The following ZNF536 variants were observed in gnomAD, a reference collection of about 807,000 sequenced individuals.
The protein encoded by ZNF536 is zinc finger protein 536.
Under a neutral mutation model 84.5 loss-of-function variants are expected in ZNF536, and 13 were observed. That is an observed-to-expected ratio of 0.15 (90% CI 0.10 to 0.24). The LOEUF (loss-of-function observed/expected upper bound fraction) is 0.24, where lower values mean the gene tolerates loss of function less well. Ranked by LOEUF, ZNF536 falls within the 10% of genes least tolerant of loss-of-function variation. ZNF536 has a pLI of 1.00. For synonymous variants in ZNF536, 811 were observed against 742.5 expected (o/e 1.09, Z -1.50); for missense variants, 1,536 against 1,747.5 (o/e 0.88, Z 2.16).
chr19:30,654,762 G>A (rs1600162513), intron 1 of ZNF536, among the ~76,000 whole-genome samples: 1 of 152,054 alleles, frequency 6.6e-6, no homozygotes, highest in African/African-American at 2.4e-5. Context: ...GGTGGCTTAG[G>A]TAAATTTGAG....
intron 2 of ZNF536, among the ~76,000 whole-genome samples, chr19:30,318,035 C>G (rs148089925): frequency 2.0e-5 from 3 of 152,194 alleles, no homozygotes; most frequent in Admixed American, 2.0e-4. Flanking sequence ...GGTGTCTAGC[C>G]GTCTCCACAG....
rs1399627363 is a variant in ZNF536 at position 30,331,286 on chromosome 19, G to A, written c.-119-21082G>A. On this transcript the variant is annotated intron_variant, in intron 2 of 5. Coordinates refer to the ZNF536 transcript ENST00000585628. The stretch of plus-strand genomic sequence containing the variant: ...AGCCTGGGGAACAGAGTAAGACCCT[G>A]TATCTTAAAAAAAAAAAAAAAAAAA... Among the ~76,000 whole-genome samples the A allele has an allele frequency of 1.9e-4, 13 of 67,736 alleles. 1 individual carries two copies. Among genetic ancestry groups the A allele is most frequent in the African/African-American group, 7.7e-4 (12 of 15,542 alleles). 44.4% of individuals were successfully genotyped at this position (67,736 alleles called of 152,430 possible). A position where few individuals can be genotyped will look rare whatever the true frequency, so the allele number is the denominator to read the frequency against.
At position 30,651,094 on chromosome 19, in the gene ZNF536, C is replaced by T. The variant is rs1012123433; in HGVS notation, c.170-59663C>T. ...GCTGAGAAAGCCTCACCAACAGCTG[C>T]GCCACATAAAGGGGAGAACCCGGGA... is the stretch of plus-strand genomic sequence containing the variant. On this transcript the variant is annotated intron_variant, in intron 1 of 1. Transcript: ENST00000592773. 1.1e-4 allele frequency among the ~76,000 whole-genome samples: 17 copies of T among 152,282 alleles called. No individual in the cohort carries two copies. In the East Asian group the frequency reaches 1.9e-3, roughly 17 times the overall value.
intron 3 of ZNF536, among the ~76,000 whole-genome samples, chr19:30,355,413 G>A (rs1315144401): frequency 2.6e-5 from 4 of 152,050 alleles, no homozygotes; most frequent in African/African-American, 9.7e-5. Context: ...TTTGGAGACA[G>A]GGTCTCACTG....
intron 2 of ZNF536, among the ~76,000 whole-genome samples, chr19:30,523,263 T>C (rs1479650885): frequency 1.3e-5 from 2 of 152,178 alleles, no homozygotes; most frequent in Non-Finnish European, 2.9e-5. Context: ...ACGCGTTGCT[T>C]TGGCAATATT....
chr19:30,331,724 C>A (rs2047217860), intron 2 of ZNF536, among the ~76,000 whole-genome samples: 1 of 152,158 alleles, frequency 6.6e-6, no homozygotes. Context: ...TGGTCTTCAC[C>A]CATCCTATGA....
At chr19:30,343,020 G>A (rs1250079171) in intron 2 of ZNF536, among the ~76,000 whole-genome samples, 1 of 152,170 alleles carries the variant, frequency 6.6e-6, no homozygotes, top group Non-Finnish European at 1.5e-5. Flanking sequence ...GTGATGGTCT[G>A]GCTGCTGCAG....
intron 1 of ZNF536, among the ~76,000 whole-genome samples, chr19:30,664,480 G>C (rs1042304504): frequency 3.3e-5 from 5 of 152,148 alleles, no homozygotes; most frequent in African/African-American, 1.2e-4. Flanking sequence ...AGAGCAACAG[G>C]CACTGGTCAG....
At chr19:30,503,316 A>C (rs756699479) in intron 2 of ZNF536, among the ~76,000 whole-genome samples, 2 of 152,210 alleles carry the variant, frequency 1.3e-5, no homozygotes, top group Non-Finnish European at 2.9e-5. Context: ...AAAAAGACAA[A>C]TCCTCCAATA....
At position 30,627,933 on chromosome 19, in the gene ZNF536, G is replaced by A. The variant is rs560115383; in HGVS notation, c.169+78419G>A. Among the ~76,000 whole-genome samples the A allele has an allele frequency of 6.8e-4, 103 of 152,222 alleles. 1 individual carries two copies. Among genetic ancestry groups the A allele is most frequent in the Non-Finnish European group, 1.2e-3 (80 of 67,996 alleles). ...CGGCCTCCCAGGGCTGGGTGGCTCC[G>A]GCCATGACTGCTTCTTCTCTGAGTG... On this transcript the variant is annotated intron_variant, in intron 1 of 1. Transcript: ENST00000592773.
At chr19:30,539,481 C>A (rs1012434697) in intron 3 of ZNF536, among the ~76,000 whole-genome samples, 1 of 152,202 alleles carries the variant, frequency 6.6e-6, no homozygotes, top group Non-Finnish European at 1.5e-5. Context: ...AATCCTTAAC[C>A]AAATATCTGG....
chr19:30,379,646 G>A lies in ZNF536; in HGVS notation c.-3+7090G>A, dbSNP rs958128898. ...TAGACAAGCAGAAGGGCTGGGGGGT[G>A]TAGTGGGTATGCGGTGGGAGGTGGG... On this transcript the variant is annotated intron_variant, in intron 1 of 4. Coordinates refer to ENST00000355537, the MANE Select transcript of ZNF536 (RefSeq NM_014717.3). 4.6e-5 allele frequency among the ~76,000 whole-genome samples: 7 copies of A among 151,204 alleles called. No homozygotes were observed. The East Asian group carries it at 1.4e-3, about 30-fold the overall frequency.
intron 2 of ZNF536, among the ~76,000 whole-genome samples, chr19:30,321,641 C>A (rs1031452096): frequency 1.3e-5 from 2 of 151,106 alleles, no homozygotes; most frequent in African/African-American, 2.4e-5. Flanking sequence ...AATCAAAGTG[C>A]CCTTAATTAC....
intron 2 of ZNF536, among the ~76,000 whole-genome samples, chr19:30,499,425 G>A (rs770464027): frequency 1.6e-4 from 24 of 151,984 alleles, no homozygotes; most frequent in African/African-American, 4.3e-4. Context: ...TTGTGTGAAC[G>A]TATGTCGGTA....
At chr19:30,589,970 G>C (rs932934511) in intron 1 of ZNF536, among the ~76,000 whole-genome samples, 1 of 152,138 alleles carries the variant, frequency 6.6e-6, no homozygotes, top group East Asian at 1.9e-4. Context: ...ATCCCCAGAG[G>C]ATCATCTTTA....
intron 1 of ZNF536, among the ~76,000 whole-genome samples, chr19:30,241,863 C>T (rs910400510): frequency 6.6e-6 from 1 of 152,192 alleles, no homozygotes; most frequent in Non-Finnish European, 1.5e-5. Context: ...CACCTCCTCA[C>T]CTGGGTAGTC....
intron 2 of ZNF536, among the ~76,000 whole-genome samples, chr19:30,340,339 T>C (rs2146535723): frequency 6.6e-6 from 1 of 152,240 alleles, no homozygotes; most frequent in South Asian, 2.1e-4. Context: ...CCTTAGGAAA[T>C]GTCAGTCAGT....
At chr19:30,467,589 C>T (rs2053468249) in intron 2 of ZNF536, among the ~76,000 whole-genome samples, 1 of 152,192 alleles carries the variant, frequency 6.6e-6, no homozygotes, top group Non-Finnish European at 1.5e-5. Flanking sequence ...GGGTGGATCT[C>T]TGCCTCCCTT....
At chr19:30,594,261 G>T (rs1411835205) in intron 1 of ZNF536, among the ~76,000 whole-genome samples, 1 of 152,134 alleles carries the variant, frequency 6.6e-6, no homozygotes, top group Non-Finnish European at 1.5e-5. Context: ...GTCCATACAC[G>T]GCCAGCAGCC....
Sources: gnomAD v4.1 joint callset for allele counts (sites outside exome capture counted in the v4.1 genomes callset) on GRCh38, gnomAD v4.1.1 for gene constraint, MANE v1.5 for transcripts, NCBI Gene and HGNC (gene_info 2026-07-23, HGNC 2026-07-21) for gene names.